The following DAB1 variants were observed in gnomAD, a reference collection of about 807,000 sequenced individuals.
DAB1 encodes the protein disabled homolog 1.
A neutral mutation model predicts 64.6 loss-of-function variants in DAB1; 15 were observed. The ratio of observed to expected loss-of-function variants is 0.23; its 90% confidence interval spans 0.16 to 0.36. DAB1 has a LOEUF of 0.36. Among genes scored for constraint, DAB1 ranks in the 10% least tolerant of loss-of-function variants. DAB1 has a pLI of 1.00. For missense variants in DAB1, 596 were observed against 706.7 expected (o/e 0.84, Z 1.78); for synonymous variants, 235 against 251.9 (o/e 0.93, Z 0.64).
chr1:57,017,792 T>C (rs555712862), intron 11 of DAB1, among the ~76,000 whole-genome samples: 1 of 152,328 alleles, frequency 6.6e-6, no homozygotes, highest in East Asian at 1.9e-4. Flanking sequence ...TTAGCTTGCC[T>C]CGCCCATGGC....
Position 57,057,608 on chromosome 1 carries a change from CT to C in DAB1, c.723+5275del, listed in dbSNP as rs199984237. ...TTGGGGTAGAAGGACTACACTGATT[CT>C]TTTTTTTTTTTTTTTGGAGACAGAG... is the stretch of plus-strand genomic sequence containing the variant. On this transcript the variant is annotated intron_variant, in intron 9 of 14. Transcript: ENST00000371236. Among the ~76,000 whole-genome samples, 346 of 136,524 alleles carry C rather than the reference CT, an allele frequency of 2.5e-3. 1 individual carries two copies. The highest frequency in any genetic ancestry group is 7.8e-3 in the Middle Eastern group (2 of 258). The allele number at this position is 136,524 out of a possible 152,430, so 89.6% of individuals were successfully genotyped here.
intron 7 of DAB1, among the ~76,000 whole-genome samples, chr1:57,644,318 G>A (rs1026693293): frequency 8.5e-5 from 13 of 152,202 alleles, no homozygotes; most frequent in African/African-American, 2.9e-4. Flanking sequence ...AGAAGAGAAA[G>A]TAGGCTATAT....
chr1:58,282,080 A>T (rs1464077671), intron 4 of DAB1, among the ~76,000 whole-genome samples: 1 of 152,092 alleles, frequency 6.6e-6, no homozygotes, highest in Admixed American at 6.6e-5. Context: ...TAATGTCCCA[A>T]CCATATCTCC....
At chr1:58,371,984 C>G (rs1419698910) in intron 3 of DAB1, among the ~76,000 whole-genome samples, 3 of 152,212 alleles carry the variant, frequency 2.0e-5, no homozygotes, top group Admixed American at 6.5e-5. Context: ...TCTACTAGGG[C>G]AAAGCAGAGC....
At chr1:57,556,529 A>G (rs1268039935) in intron 7 of DAB1, among the ~76,000 whole-genome samples, 2 of 152,102 alleles carry the variant, frequency 1.3e-5, no homozygotes. Context: ...TCTGCTAATT[A>G]GTGATGCTGA....
chr1:58,373,186 T>C (rs979013896), intron 3 of DAB1, among the ~76,000 whole-genome samples: 2 of 151,700 alleles, frequency 1.3e-5, no homozygotes, highest in East Asian at 3.9e-4. Context: ...TTTTTTTTAA[T>C]TATACTTTAA....
In DAB1 at chr1:57,795,585, C is replaced by T. The variant is rs575799860; in HGVS notation, n.551+88414G>A. Among the ~76,000 whole-genome samples, 320 of 150,480 alleles carry T rather than the reference C, an allele frequency of 2.1e-3. 2 individuals are homozygous for T. Among genetic ancestry groups the T allele is most frequent in the African/African-American group, 7.5e-3 (309 of 41,002 alleles). On this transcript the variant is annotated intron_variant and non_coding_transcript_variant, in intron 6 of 20. Coordinates refer to the DAB1 transcript ENST00000485760. ...GTAGGATTCAGAGTATTGCAGAGTC[C>T]TATACAAACATTTCTGAATGACTTG...
intron 2 of DAB1, among the ~76,000 whole-genome samples, chr1:58,508,898 C>T (rs1269667623): frequency 6.7e-6 from 1 of 148,774 alleles, no homozygotes; most frequent in East Asian, 1.9e-4. Flanking sequence ...TGAGGGCTGT[C>T]CAAGGGACTG....
At chr1:57,136,209 G>T (rs749307277) in intron 4 of DAB1, among the ~76,000 whole-genome samples, 4 of 152,130 alleles carry the variant, frequency 2.6e-5, no homozygotes, top group Non-Finnish European at 4.4e-5. Flanking sequence ...TCTCCCTCTA[G>T]GACGTATGTC....
chr1:57,146,356 A>G (rs769976404), intron 2 of DAB1, among the ~76,000 whole-genome samples: 6 of 152,206 alleles, frequency 3.9e-5, no homozygotes, highest in Admixed American at 6.5e-5. Flanking sequence ...AGGTCTGGAC[A>G]TTGTACAGTT....
At chr1:57,121,139 AAGGAGGAGG>A (rs759548105) in intron 4 of DAB1, among the ~76,000 whole-genome samples, 1 of 78,418 alleles carries the variant, frequency 1.3e-5, no homozygotes, top group Non-Finnish European at 2.8e-5. Flanking sequence ...AGAGAAGAAG[AAGGAGGAGG>A]AGGAGGAGGA....
chr1:58,287,531 G>A (rs1382998847), intron 4 of DAB1, among the ~76,000 whole-genome samples: 1 of 152,032 alleles, frequency 6.6e-6, no homozygotes, highest in Non-Finnish European at 1.5e-5. Context: ...ACTGGCTGCT[G>A]CTCAGGAAGG....
intron 7 of DAB1, among the ~76,000 whole-genome samples, chr1:57,644,032 C>T (rs1000979765): frequency 6.6e-6 from 1 of 152,170 alleles, no homozygotes; most frequent in Non-Finnish European, 1.5e-5. Context: ...TCTGTGATTT[C>T]CTCTCTTCCC....
intron 5 of DAB1, among the ~76,000 whole-genome samples, chr1:57,935,910 A>G (rs1645018187): frequency 6.6e-6 from 1 of 152,320 alleles, no homozygotes; most frequent in South Asian, 2.1e-4. Flanking sequence ...AATTTTTGCA[A>G]TGGCCTAATG....
chr1:57,048,517 A>G (rs532595505), intron 9 of DAB1, among the ~76,000 whole-genome samples: 3 of 152,326 alleles, frequency 2.0e-5, no homozygotes, highest in African/African-American at 4.8e-5. Flanking sequence ...GAAGTCTTAG[A>G]TGGGAAATAA....
intron 7 of DAB1, among the ~76,000 whole-genome samples, chr1:57,431,030 G>C (rs1417005287): frequency 6.6e-6 from 1 of 151,598 alleles, no homozygotes; most frequent in Admixed American, 6.6e-5. Context: ...AGCATCAAAT[G>C]GGGCATTTAA....
At chr1:57,062,105 C>T (rs183785757) in intron 9 of DAB1, among the ~76,000 whole-genome samples, 1 of 152,206 alleles carries the variant, frequency 6.6e-6, no homozygotes, top group East Asian at 1.9e-4. Context: ...AATATGAGTT[C>T]CGGGCACTTC....
At chr1:57,751,962 A>G (rs981268155) in intron 6 of DAB1, among the ~76,000 whole-genome samples, 8 of 152,242 alleles carry the variant, frequency 5.3e-5, no homozygotes, top group Admixed American at 3.3e-4. Context: ...TAAGAGACTG[A>G]AACAGAGATG....
At chr1:57,143,316 C>T (rs550511) in intron 3 of DAB1, among the ~76,000 whole-genome samples, 20,506 of 152,136 alleles carry the variant, frequency 0.13, 1,533 homozygotes, top group South Asian at 0.19. Flanking sequence ...CAGCATTTAT[C>T]AGTCAGAAAG....
Sources: gnomAD v4.1 joint callset for allele counts (sites outside exome capture counted in the v4.1 genomes callset) on GRCh38, gnomAD v4.1.1 for gene constraint, MANE v1.5 for transcripts, NCBI Gene and HGNC (gene_info 2026-07-23, HGNC 2026-07-21) for gene names.